The following COLEC10 variants were observed in gnomAD, a reference collection of about 807,000 sequenced individuals.
COLEC10 encodes the protein collectin-10.
A neutral mutation model predicts 28.4 loss-of-function variants in COLEC10; 22 were observed. The ratio of observed to expected loss-of-function variants is 0.78; its 90% CI spans 0.55 to 1.11. The LOEUF (loss-of-function observed/expected upper bound fraction) is 1.11. COLEC10 is among the 50% of genes least tolerant of loss of function. COLEC10 has a pLI of 0.00. For synonymous variants in COLEC10, 125 were observed against 116.1 expected (o/e 1.08, Z -0.49); for missense variants, 361 against 344.1 (o/e 1.05, Z -0.39).
At chr8:119,049,222 T>TC (rs1814634010) in intron 2 of COLEC10, among the ~76,000 whole-genome samples, 1 of 152,084 alleles carries the variant, frequency 6.6e-6, no homozygotes, top group Admixed American at 6.6e-5. Context: ...CTAACGGGTT[T>TC]CCCTCTGTAC....
At chr8:118,991,556 G>A (rs1298488359), upstream of COLEC10, among the ~76,000 whole-genome samples, 2 of 152,166 alleles carry the variant, frequency 1.3e-5, no homozygotes, top group Admixed American at 1.3e-4. Context: ...ATGCAAACCA[G>A]TGGAGTCTGG....
chr8:119,097,131 G>A (rs1212698369), intron 3 of COLEC10, among the ~76,000 whole-genome samples: 1 of 152,144 alleles, frequency 6.6e-6, no homozygotes, highest in Non-Finnish European at 1.5e-5. Flanking sequence ...AGAAAGGAGG[G>A]CTGTAATAAT....
chr8:119,021,076 C>T (rs182765512), intron 2 of COLEC10, among the ~76,000 whole-genome samples: 83 of 152,178 alleles, frequency 5.5e-4, no homozygotes, highest in Non-Finnish European at 1.0e-3. Flanking sequence ...ATCCAGTAAG[C>T]AACATTTTAA....
At chr8:119,068,629 C>T (rs1815021680) in intron 1 of COLEC10, 1 of 152,084 alleles carries the variant, frequency 6.6e-6, no homozygotes, top group Non-Finnish European at 1.5e-5. Flanking sequence ...TTGAGAATAG[C>T]ACTATTTTTT....
At chr8:118,978,266 C>T in the COLEC10 span, among the ~76,000 whole-genome samples, 1 of 152,022 alleles carries the variant, frequency 6.6e-6, no homozygotes, top group African/African-American at 2.4e-5. Flanking sequence ...AGGGTAATTA[C>T]AGTAAGTCAA....
At chr8:119,074,014 A>G (rs1601394) in intron 1 of COLEC10, among the ~76,000 whole-genome samples, 43,931 of 151,448 alleles carry the variant, frequency 0.29, 8,665 homozygotes, top group African/African-American at 0.57. Context: ...ATACGTGTAT[A>G]TATATAGTTT....
At chr8:118,954,488 A>G in the COLEC10 span, among the ~76,000 whole-genome samples, 1 of 152,236 alleles carries the variant, frequency 6.6e-6, no homozygotes, top group African/African-American at 2.4e-5. Context: ...TTCCAGACTG[A>G]ACCCAAAAGG....
chr8:119,064,289 A>C (rs1020381745), upstream of COLEC10, among the ~76,000 whole-genome samples: 2 of 152,166 alleles, frequency 1.3e-5, no homozygotes, highest in Non-Finnish European at 2.9e-5. Context: ...TATATGCTTT[A>C]TTGAGTAAAA....
chr8:119,100,849 G>A (rs1003617592), intron 3 of COLEC10, among the ~76,000 whole-genome samples: 1 of 152,142 alleles, frequency 6.6e-6, no homozygotes, highest in African/African-American at 2.4e-5. Flanking sequence ...TGGACTTCAA[G>A]GACCCCCACC....
At chr8:119,065,855 C>CAAA (rs3083298), upstream of COLEC10, among the ~76,000 whole-genome samples, 171 of 137,554 alleles carry the variant, frequency 1.2e-3, 2 homozygotes, top group East Asian at 3.5e-3. Context: ...GACTCCATCT[C>CAAA]AAAAAAAAAA....
intron 3 of COLEC10, among the ~76,000 whole-genome samples, chr8:119,097,272 A>G (rs1345409396): frequency 6.6e-6 from 1 of 152,046 alleles, no homozygotes; most frequent in Non-Finnish European, 1.5e-5. Flanking sequence ...TTCAGTAAGC[A>G]AAGTTTAATA....
chr8:119,015,450 GT>G (rs1248492280), intron 2 of COLEC10, among the ~76,000 whole-genome samples: 1 of 145,096 alleles, frequency 6.9e-6, no homozygotes, highest in Non-Finnish European at 1.5e-5. Context: ...GGCAGATCTT[GT>G]TAGGAAGAAC....
intron 2 of COLEC10, among the ~76,000 whole-genome samples, chr8:119,057,458 C>G (rs541259484): frequency 8.5e-5 from 13 of 152,148 alleles, no homozygotes; most frequent in African/African-American, 2.9e-4. Flanking sequence ...CCTGATCCAA[C>G]CTAGATCAGG....
At chr8:119,054,989 C>T (rs993223999) in intron 2 of COLEC10, among the ~76,000 whole-genome samples, 10 of 151,906 alleles carry the variant, frequency 6.6e-5, no homozygotes, top group African/African-American at 1.5e-4. Flanking sequence ...ATGATGTAAG[C>T]GACCCAAATC....
intron 2 of COLEC10, among the ~76,000 whole-genome samples, chr8:119,061,261 G>C (rs760312390): frequency 5.3e-5 from 8 of 151,980 alleles, no homozygotes; most frequent in Non-Finnish European, 1.0e-4. Context: ...ATGGTCTTGA[G>C]AGACAGAGAT....
chr8:118,966,717 C>A, the COLEC10 span, among the ~76,000 whole-genome samples: 1 of 151,764 alleles, frequency 6.6e-6, no homozygotes, highest in South Asian at 2.1e-4. Context: ...TTAACTCCAA[C>A]CATAATGTAT....
chr8:119,105,259 G>T lies in COLEC10; in HGVS notation c.443-541G>T, dbSNP rs16892036. ...TGCAGGCAAACGATGAGACTAAAAT[G>T]TGTTGAGTGCTAGAAGGAGGAAGTG... On this transcript the variant is annotated intron_variant, in intron 5 of 5. Coordinates refer to ENST00000332843, the MANE Select transcript of COLEC10 (RefSeq NM_006438.5). Among the ~76,000 whole-genome samples the T allele has an allele frequency of 6.3e-3, 952 of 152,264 alleles. 9 individuals are homozygous for T. Among genetic ancestry groups the T allele is most frequent in the African/African-American group, 0.021 (865 of 41,552 alleles).
At chr8:119,041,087 A>G (rs1017317868) in intron 2 of COLEC10, among the ~76,000 whole-genome samples, 3 of 152,226 alleles carry the variant, frequency 2.0e-5, no homozygotes, top group African/African-American at 7.2e-5. Flanking sequence ...TTACTTTGAC[A>G]CTATGCCAAA....
At chr8:119,051,543 G>A (rs905478346) in intron 2 of COLEC10, among the ~76,000 whole-genome samples, 3 of 152,156 alleles carry the variant, frequency 2.0e-5, no homozygotes, top group Admixed American at 6.5e-5. Context: ...AAGCAAGAGC[G>A]CCTGGCACAC....
Sources: gnomAD v4.1 joint callset for allele counts (sites outside exome capture counted in the v4.1 genomes callset) on GRCh38, gnomAD v4.1.1 for gene constraint, MANE v1.5 for transcripts, NCBI Gene and HGNC (gene_info 2026-07-23, HGNC 2026-07-21) for gene names.